Variants in KLHL1 observed in about 807,000 individuals in gnomAD.
The protein encoded by KLHL1 is kelch like family member 1.
Under a neutral mutation model 77.7 loss-of-function variants are expected in KLHL1, and 47 were observed. That is an observed-to-expected ratio of 0.60 (90% CI 0.48 to 0.77). The LOEUF (loss-of-function observed/expected upper bound fraction) is 0.77. Ranked by LOEUF, KLHL1 falls within the 30% of genes least tolerant of loss-of-function variation. KLHL1 has a pLI of 0.00. For missense variants in KLHL1, 925 were observed against 910.8 expected, an observed-to-expected ratio of 1.02 and a Z score of -0.20; for synonymous variants, 360 against 325.2, an observed-to-expected ratio of 1.11 and a Z score of -1.15.
chr13:69,822,244 T>A (rs905400897), intron 6 of KLHL1, among the ~76,000 whole-genome samples: 6 of 149,738 alleles, frequency 4.0e-5, no homozygotes, highest in Admixed American at 4.0e-4. Context: ...TAGTAGCCAC[T>A]CAATGAATAT....
chr13:70,018,969 A>G (rs987327282), intron 1 of KLHL1, among the ~76,000 whole-genome samples: 9 of 152,218 alleles, frequency 5.9e-5, no homozygotes, highest in African/African-American at 2.2e-4. Context: ...TCTGCTAATC[A>G]AGTGCTATAG....
intron 6 of KLHL1, among the ~76,000 whole-genome samples, chr13:69,810,584 G>A (rs9634961): frequency 0.24 from 36,054 of 151,844 alleles, 4,371 homozygotes; most frequent in South Asian, 0.31. Flanking sequence ...CGAGAAGATA[G>A]AAATATCTCA....
chr13:70,068,557 T>A (rs1429095748), intron 1 of KLHL1, among the ~76,000 whole-genome samples: 22 of 152,196 alleles, frequency 1.4e-4, no homozygotes, highest in Admixed American at 1.4e-3. Flanking sequence ...GAACTTCCAA[T>A]ATTATATTTC....
At chr13:69,773,882 T>TATATATATATATATATATATATATAC (rs1491245358) in intron 7 of KLHL1, among the ~76,000 whole-genome samples, 2 of 146,916 alleles carry the variant, frequency 1.4e-5, no homozygotes, top group African/African-American at 2.5e-5. Context: ...TATATATATA[T>TATATATATATATATATATATATATAC]ACATAGAATA....
chr13:69,766,529 G>A (rs1348932591), intron 7 of KLHL1, among the ~76,000 whole-genome samples: 2 of 151,132 alleles, frequency 1.3e-5, no homozygotes, highest in African/African-American at 4.9e-5. Context: ...ATAACTAAAT[G>A]AGCAAAAAAT....
chr13:69,719,253 T>C (rs953463648), intron 9 of KLHL1, 116 bp downstream of exon 9: 14 of 740,666 alleles, frequency 1.9e-5, no homozygotes, highest in Non-Finnish European at 3.0e-5. Context: ...TAAAAATGTA[T>C]CTCTAGGTGT....
At chr13:70,007,264 C>A (rs990794283) in intron 1 of KLHL1, among the ~76,000 whole-genome samples, 3 of 151,950 alleles carry the variant, frequency 2.0e-5, no homozygotes, top group East Asian at 1.9e-4. Flanking sequence ...AGACTCACAA[C>A]AAAATTCTAG....
chr13:69,771,686 T>C (rs80095051), intron 7 of KLHL1, among the ~76,000 whole-genome samples: 57 of 152,306 alleles, frequency 3.7e-4, no homozygotes, highest in African/African-American at 1.3e-3. Flanking sequence ...ACGGTGAAGA[T>C]ATGTGGGTGC....
rs546932973 is a variant in KLHL1 at position 69,829,481 on chromosome 13, C to T, written c.1414+9495G>A. ...GATCTTTCCTCTGACATAGTCTATCCAAATAAGAAGGAACCAGAAAAACAA... is the reference window on the plus strand; with the variant it reads ...GATCTTTCCTCTGACATAGTCTATCTAAATAAGAAGGAACCAGAAAAACAA... On this transcript the variant is annotated intron_variant, in intron 6 of 10. Coordinates refer to ENST00000377844, the MANE Select transcript of KLHL1 (RefSeq NM_020866.3). Among the ~76,000 whole-genome samples, 15 of 149,946 alleles carry T rather than the reference C, an allele frequency of 1.0e-4. 1 individual carries two copies. Among genetic ancestry groups the T allele is most frequent in the African/African-American group, 3.5e-4 (14 of 39,916 alleles).
chr13:69,748,102 A>C (rs1026466198), intron 7 of KLHL1, among the ~76,000 whole-genome samples: 3 of 151,996 alleles, frequency 2.0e-5, no homozygotes, highest in African/African-American at 4.8e-5. Context: ...ATAAACATAT[A>C]AATATTGAAA....
intron 4 of KLHL1, among the ~76,000 whole-genome samples, chr13:69,888,096 G>A (rs1407818110): frequency 6.6e-6 from 1 of 152,054 alleles, no homozygotes; most frequent in South Asian, 2.1e-4. Flanking sequence ...TTGTTGTTTG[G>A]CGAGGGCTCC....
intron 1 of KLHL1, among the ~76,000 whole-genome samples, chr13:70,059,861 T>G (rs1281932639): frequency 6.6e-6 from 1 of 152,138 alleles, no homozygotes; most frequent in Non-Finnish European, 1.5e-5. Flanking sequence ...TGCTGCACAC[T>G]TTGAAACAAC....
intron 6 of KLHL1, among the ~76,000 whole-genome samples, chr13:69,815,145 A>G (rs1288210992): frequency 6.6e-6 from 1 of 152,242 alleles, no homozygotes; most frequent in Non-Finnish European, 1.5e-5. Flanking sequence ...AGCAGTTATT[A>G]GATTTCTCAA....
intron 4 of KLHL1, among the ~76,000 whole-genome samples, chr13:69,910,946 A>C (rs1015626061): frequency 3.3e-5 from 5 of 152,102 alleles, no homozygotes; most frequent in Admixed American, 1.3e-4. Context: ...ACCATTGTAC[A>C]ACATTTATTT....
At chr13:69,927,330 G>T (rs1184756679) in intron 4 of KLHL1, among the ~76,000 whole-genome samples, 6 of 152,080 alleles carry the variant, frequency 3.9e-5, no homozygotes, top group African/African-American at 1.4e-4. Context: ...GGGAATCTTT[G>T]TGACCTTGGA....
intron 1 of KLHL1, among the ~76,000 whole-genome samples, chr13:70,061,582 C>T (rs1204913870): frequency 6.6e-6 from 1 of 152,108 alleles, no homozygotes; most frequent in Non-Finnish European, 1.5e-5. Context: ...ATTTTCTCTT[C>T]ACACTGAGGC....
intron 1 of KLHL1, among the ~76,000 whole-genome samples, chr13:70,070,205 T>C: frequency 6.6e-6 from 1 of 151,544 alleles, no homozygotes; most frequent in East Asian, 1.9e-4. Context: ...ATTGCGAATT[T>C]TCTAAAGTTA....
chr13:69,933,096 T>C (rs2501231), intron 4 of KLHL1, among the ~76,000 whole-genome samples: 132,974 of 151,880 alleles, frequency 0.88, 58,891 homozygotes, highest in Non-Finnish European at 0.95. Flanking sequence ...CCCTTAAACG[T>C]TCATTATACT....
chr13:69,982,746 A>G (rs1360948277), intron 1 of KLHL1, among the ~76,000 whole-genome samples: 1 of 151,982 alleles, frequency 6.6e-6, no homozygotes, highest in Non-Finnish European at 1.5e-5. Context: ...TAATAGTTAT[A>G]TCAGATAAAA....
Sources: gnomAD v4.1 joint callset for allele counts (sites outside exome capture counted in the v4.1 genomes callset) on GRCh38, gnomAD v4.1.1 for gene constraint, MANE v1.5 for transcripts, NCBI Gene and HGNC (gene_info 2026-07-23, HGNC 2026-07-21) for gene names.